The following NPR3 variants were observed in gnomAD, a reference collection of about 807,000 sequenced individuals.
The protein encoded by NPR3 is natriuretic peptide receptor 3.
In NPR3, 34 loss-of-function variants were observed where a neutral mutation model predicts 54.5. The ratio of observed to expected loss-of-function variants is 0.62; its 90% CI spans 0.47 to 0.83. The LOEUF is 0.83. Among genes scored for constraint, NPR3 ranks in the 40% least tolerant of loss-of-function variants. The pLI is 0.00. For missense variants in NPR3, 674 were observed against 720.8 expected (o/e 0.94, Z 0.74); for synonymous variants, 289 against 297.1 (o/e 0.97, Z 0.28).
At chr5:32,710,967 T>G (rs1017373438), upstream of NPR3, among the ~76,000 whole-genome samples, 1 of 151,242 alleles carries the variant, frequency 6.6e-6, no homozygotes, top group African/African-American at 2.4e-5. Flanking sequence ...CGTTTCCTTT[T>G]TTGAAGCCAG....
Position 32,788,385 on chromosome 5 carries a change from A to T in NPR3, c.*2040A>T, listed in dbSNP as rs974039018. On this transcript the variant is annotated 3_prime_UTR_variant, in exon 8 of 8. Coordinates refer to ENST00000265074, the MANE Select transcript of NPR3 (RefSeq NM_001204375.2). ...GCGTTGTACCACTTGGGACTCCCCAAAGTGAAACAGCAAGGAAGGATTGTG... is the reference window on the plus strand; with the variant it reads ...GCGTTGTACCACTTGGGACTCCCCATAGTGAAACAGCAAGGAAGGATTGTG... 2 of 152,212 alleles carry T rather than the reference A, an allele frequency of 1.3e-5. No homozygotes were observed. The highest frequency in any genetic ancestry group is 1.3e-4 in the Admixed American group (2 of 15,278). 9.4% of individuals were successfully genotyped at this position (152,212 alleles called of 1,614,324 possible). A position where few individuals can be genotyped will look rare whatever the true frequency, so the allele number is the denominator to read the frequency against.
chr5:32,717,007 C>A (rs1738593044), intron 1 of NPR3, among the ~76,000 whole-genome samples: 1 of 148,482 alleles, frequency 6.7e-6, no homozygotes, highest in South Asian at 2.2e-4. Flanking sequence ...CCCCCCCACC[C>A]CCCACCCCCT....
chr5:32,738,805 A>T, intron 2 of NPR3, 59 bp from the exon 3 acceptor site: 7 of 1,500,800 alleles, frequency 4.7e-6, no homozygotes, highest in Non-Finnish European at 6.4e-6. Flanking sequence ...TTGTGAAGGG[A>T]GAATGGCCTC....
chr5:32,728,651 T>C (rs1265794528), intron 2 of NPR3, among the ~76,000 whole-genome samples: 1 of 151,470 alleles, frequency 6.6e-6, no homozygotes, highest in African/African-American at 2.4e-5. Flanking sequence ...GCACCTAACT[T>C]CTTTCTGGAG....
chr5:32,791,696 C>A lies in NPR3; in HGVS notation c.*5351C>A. 6.0e-6 allele frequency: 1 copy of A among 166,348 alleles called. No homozygotes were observed. 10.3% of individuals were successfully genotyped at this position (166,348 alleles called of 1,614,324 possible). A position where few individuals can be genotyped will look rare whatever the true frequency, so the allele number is the denominator to read the frequency against. On this transcript the variant is annotated 3_prime_UTR_variant, in exon 8 of 8. Transcript: ENST00000265074. Reference sequence around the variant, plus strand: ...TACTCAGAGTATAACAATGTGTTCTCATTAAAAAATACATCCCACGGAAAC... The same window carrying A: ...TACTCAGAGTATAACAATGTGTTCTAATTAAAAAATACATCCCACGGAAAC...
At chr5:32,718,148 G>C (rs1738654539) in intron 1 of NPR3, among the ~76,000 whole-genome samples, 1 of 151,996 alleles carries the variant, frequency 6.6e-6, no homozygotes, top group Admixed American at 6.6e-5. Flanking sequence ...TCAGATGGTT[G>C]TAGATGTGTG....
At chr5:32,773,256 G>T (rs1741866217) in intron 3 of NPR3, among the ~76,000 whole-genome samples, 1 of 152,036 alleles carries the variant, frequency 6.6e-6, no homozygotes, top group Admixed American at 6.6e-5. Flanking sequence ...TGTACTTTTT[G>T]TACAGAGTTT....
At chr5:32,731,624 C>A (rs916473342) in intron 2 of NPR3, among the ~76,000 whole-genome samples, 24 of 152,196 alleles carry the variant, frequency 1.6e-4, no homozygotes, top group Non-Finnish European at 8.8e-5. Context: ...TACCATTATA[C>A]CTAATACTTA....
At chr5:32,715,572 C>T (rs1211786249) in intron 1 of NPR3, among the ~76,000 whole-genome samples, 2 of 152,080 alleles carry the variant, frequency 1.3e-5, no homozygotes, top group Non-Finnish European at 2.9e-5. Flanking sequence ...GCTAATGCCA[C>T]TAAAATAAAC....
intron 3 of NPR3, among the ~76,000 whole-genome samples, chr5:32,752,701 C>T (rs886701723): frequency 1.3e-5 from 2 of 152,094 alleles, no homozygotes; most frequent in Admixed American, 6.5e-5. Context: ...ATAATGAGTT[C>T]GCATGGCAAC....
intron 3 of NPR3, among the ~76,000 whole-genome samples, chr5:32,750,418 G>A (rs192687427): frequency 6.6e-6 from 1 of 152,226 alleles, no homozygotes; most frequent in Non-Finnish European, 1.5e-5. Context: ...TTACAAACGG[G>A]AGCCACCCCT....
chr5:32,727,677 A>G (rs1164280365), intron 2 of NPR3, among the ~76,000 whole-genome samples: 2 of 151,828 alleles, frequency 1.3e-5, no homozygotes, highest in Non-Finnish European at 2.9e-5. Flanking sequence ...TTCCTGTTGT[A>G]TTTTGGAATG....
chr5:32,711,839 C>G lies in NPR3; in HGVS notation c.63C>G (p.Ala21=). The G allele has an allele frequency of 1.4e-6, 2 of 1,460,890 alleles. No homozygotes were observed. Among genetic ancestry groups the G allele is most frequent in the African/African-American group, 2.9e-5 (2 of 69,274 alleles). The allele number at this position is 1,460,890 out of a possible 1,614,324, so 90.5% of individuals were successfully genotyped here. ...TACTACTCGGCTGGGCGTTGCTGGC[C>G]GGCGGCACCGGTGGCGGTGGCGTTG... ...PCVLLGWALL[A]GGTGGGGVGG... Residue 21 remains alanine, a synonymous_variant, in exon 1 of 8, where the codon GCC becomes GCG. Transcript: ENST00000265074.
intron 3 of NPR3, among the ~76,000 whole-genome samples, chr5:32,758,001 G>A (rs901503419): frequency 6.6e-6 from 1 of 152,142 alleles, no homozygotes; most frequent in Admixed American, 6.5e-5. Context: ...GATTCGGTTT[G>A]CCAGTATTTT....
chr5:32,779,856 G>A (rs1201164944), intron 4 of NPR3, among the ~76,000 whole-genome samples: 1 of 152,182 alleles, frequency 6.6e-6, no homozygotes, highest in African/African-American at 2.4e-5. Context: ...CCTTAAATGT[G>A]CTGAAAGTGC....
chr5:32,711,320 C>G, upstream of NPR3: 2 of 985,012 alleles, frequency 2.0e-6, no homozygotes, highest in Non-Finnish European at 2.4e-6. Flanking sequence ...ATCCAGGAAC[C>G]GGCGCGAATC....
At chr5:32,733,610 A>C (rs750066234) in intron 2 of NPR3, among the ~76,000 whole-genome samples, 23 of 152,336 alleles carry the variant, frequency 1.5e-4, no homozygotes, top group African/African-American at 5.0e-4. Flanking sequence ...AAATTATTTG[A>C]CTGGCTAAAA....
chr5:32,738,810 G>A, intron 2 of NPR3, 54 bp from the exon 3 acceptor site: 1 of 1,519,904 alleles, frequency 6.6e-7, no homozygotes, highest in Non-Finnish European at 9.0e-7. Context: ...AAGGGAGAAT[G>A]GCCTCTTTAT....
intron 2 of NPR3, among the ~76,000 whole-genome samples, chr5:32,728,835 G>GTATA (rs1226669792): frequency 0.042 from 2,510 of 59,928 alleles, 73 homozygotes; most frequent in South Asian, 0.055. Flanking sequence ...GTGTGTGTGT[G>GTATA]TGTATATATA....
Sources: allele counts gnomAD v4.1 joint callset (sites outside exome capture counted in the v4.1 genomes callset), GRCh38; gene constraint gnomAD v4.1.1; transcripts MANE v1.5; gene names NCBI Gene and HGNC (gene_info 2026-07-23, HGNC 2026-07-21).